The following MAP2K4 variants were observed in gnomAD, a reference collection of about 807,000 sequenced individuals.
MAP2K4 encodes the protein dual specificity mitogen-activated protein kinase kinase 4.
Under a neutral mutation model 48.5 loss-of-function variants are expected in MAP2K4, and 4 were observed. That is an observed-to-expected ratio of 0.08 (90% CI 0.04 to 0.19). The LOEUF (loss-of-function observed/expected upper bound fraction) is 0.19, where lower values mean the gene tolerates loss of function less well. Ranked by LOEUF, MAP2K4 falls within the 10% of genes least tolerant of loss-of-function variation. The probability of loss-of-function intolerance (pLI) is 1.00; values close to 1 mark genes in which losing one functional copy is unlikely to be tolerated. For synonymous variants in MAP2K4, 166 were observed against 173.1 expected (o/e 0.96, Z 0.32); for missense variants, 258 against 493.3 (o/e 0.52, Z 4.52).
At position 12,127,570 on chromosome 17, in the gene MAP2K4, T is replaced by C. The variant is rs534367623; in HGVS notation, c.892-1569T>C. ...GTATTCTGTACTTACAGTTGGTTCA[T>C]AATTTATTTTTCATAGGGACAGTCT... On this transcript the variant is annotated intron_variant, in intron 8 of 10. Transcript: ENST00000353533. Among the ~76,000 whole-genome samples, 5 of 152,348 alleles carry C rather than the reference T, an allele frequency of 3.3e-5. No homozygotes were observed. In the South Asian group the frequency reaches 1.0e-3, roughly 32 times the overall value.
rs28921111 is a variant in MAP2K4 at position 12,140,892 on chromosome 17, G to A, written c.1087-255G>A. On this transcript the variant is annotated intron_variant, in intron 10 of 10. Coordinates refer to ENST00000353533, the MANE Select transcript of MAP2K4 (RefSeq NM_003010.4). ...AACAAACACTCCCTGGTATACAGAT[G>A]AGTTTCCAGACCTCACTGCCAAGGT... Among the ~76,000 whole-genome samples the A allele has an allele frequency of 6.2e-3, 949 of 152,266 alleles. 2 individuals carry two copies. Among genetic ancestry groups the A allele is most frequent in the East Asian group, 0.036 (186 of 5,164 alleles).
intron 9 of MAP2K4, among the ~76,000 whole-genome samples, chr17:12,139,382 G>A (rs1314665616): frequency 6.6e-6 from 1 of 152,036 alleles, no homozygotes. Flanking sequence ...TAAAACTTAA[G>A]GATAAATTGA....
intron 9 of MAP2K4, among the ~76,000 whole-genome samples, chr17:12,135,987 A>G (rs1323360184): frequency 2.6e-5 from 4 of 152,218 alleles, no homozygotes; most frequent in Non-Finnish European, 4.4e-5. Context: ...ACCCAAGCAA[A>G]TGTAGATTTG....
At chr17:12,093,943 A>C (rs1248485522) in intron 3 of MAP2K4, among the ~76,000 whole-genome samples, 1 of 152,234 alleles carries the variant, frequency 6.6e-6, no homozygotes, top group African/African-American at 2.4e-5. Context: ...TTGAACAAAT[A>C]CAGATCACAT....
Position 12,113,222 on chromosome 17 carries a change from A to G in MAP2K4, c.686-11A>G, listed in dbSNP as rs28923223. 1.3e-3 allele frequency: 2,097 copies of G among 1,611,678 alleles called. 26 individuals carry two copies. The African/African-American group carries it at 0.025, about 19-fold the overall frequency. ...GCTAATTGTATACTGAATGATATCTATGTCTTGCAGATATCAAACCTTCCA... is the reference window on the plus strand; with the variant it reads ...GCTAATTGTATACTGAATGATATCTGTGTCTTGCAGATATCAAACCTTCCA... On this transcript the variant is annotated splice_polypyrimidine_tract_variant and intron_variant, in intron 6 of 10. Coordinates refer to ENST00000353533, the MANE Select transcript of MAP2K4 (RefSeq NM_003010.4).
chr17:12,129,065 T>C, intron 8 of MAP2K4, 74 bp from the exon 9 acceptor site: 3 of 1,478,068 alleles, frequency 2.0e-6, no homozygotes, highest in Non-Finnish European at 2.8e-6. Context: ...GTTTAGATTT[T>C]TTTGTGGCCC....
intron 1 of MAP2K4, among the ~76,000 whole-genome samples, chr17:12,042,840 G>T (rs1969834369): frequency 6.6e-6 from 1 of 152,096 alleles, no homozygotes; most frequent in Non-Finnish European, 1.5e-5. Context: ...GAGGTCAGGA[G>T]ATCGAGACCA....
chr17:12,086,249 A>T (rs1198690171), intron 3 of MAP2K4, among the ~76,000 whole-genome samples: 1 of 152,156 alleles, frequency 6.6e-6, no homozygotes, highest in Non-Finnish European at 1.5e-5. Flanking sequence ...CATGTGACTT[A>T]CTTAAGGCAT....
intron 7 of MAP2K4, chr17:12,115,806 G>C: frequency 1.4e-6 from 1 of 729,792 alleles, no homozygotes; most frequent in South Asian, 1.3e-5. Context: ...TTCTGGGACA[G>C]CTCTGCTGAC....
At chr17:12,073,974 A>C (rs1338704542) in intron 2 of MAP2K4, among the ~76,000 whole-genome samples, 1 of 152,014 alleles carries the variant, frequency 6.6e-6, no homozygotes, top group Admixed American at 6.6e-5. Flanking sequence ...GGGGTTCACC[A>C]TGTTGGCCAA....
At chr17:12,134,983 A>T (rs949328376) in intron 9 of MAP2K4, among the ~76,000 whole-genome samples, 4 of 151,964 alleles carry the variant, frequency 2.6e-5, no homozygotes, top group African/African-American at 9.7e-5. Flanking sequence ...GCTTACTGCA[A>T]CCTCAACTTC....
intron 1 of MAP2K4, among the ~76,000 whole-genome samples, chr17:12,034,574 C>T (rs931032466): frequency 1.3e-5 from 2 of 152,162 alleles, no homozygotes; most frequent in African/African-American, 4.8e-5. Context: ...TATTGGACAC[C>T]TAGAAACCAT....
At chr17:12,023,937 C>A (rs1399724032) in intron 1 of MAP2K4, among the ~76,000 whole-genome samples, 1 of 152,216 alleles carries the variant, frequency 6.6e-6, no homozygotes, top group Non-Finnish European at 1.5e-5. Context: ...CATTAGCCAT[C>A]ATTGTTAGTA....
chr17:12,118,561 T>C (rs1597486149), intron 7 of MAP2K4, among the ~76,000 whole-genome samples: 1 of 152,354 alleles, frequency 6.6e-6, no homozygotes, highest in African/African-American at 2.4e-5. Flanking sequence ...TATCCATTGA[T>C]AACTGTTCTG....
chr17:12,119,617 C>T (rs1429554212), intron 7 of MAP2K4, among the ~76,000 whole-genome samples: 1 of 152,180 alleles, frequency 6.6e-6, no homozygotes, highest in African/African-American at 2.4e-5. Flanking sequence ...GTCATTCAAC[C>T]CAGCAGTTCC....
Position 12,131,358 on chromosome 17 carries a change from G to T in MAP2K4, c.1040+2071G>T, listed in dbSNP as rs1973017762. On this transcript the variant is annotated intron_variant, in intron 9 of 10. Transcript: ENST00000353533. The stretch of plus-strand genomic sequence containing the variant: ...CCTCCCGGGTTCAAACGATTCTTCT[G>T]CCTCAGCCTCCTGAGTACTGCTGGG... 2.7e-5 allele frequency among the ~76,000 whole-genome samples: 4 copies of T among 150,888 alleles called. No individual in the cohort carries two copies. The South Asian group carries it at 8.3e-4, about 31-fold the overall frequency.
At chr17:12,105,942 C>A (rs1972095980) in intron 4 of MAP2K4, among the ~76,000 whole-genome samples, 1 of 152,038 alleles carries the variant, frequency 6.6e-6, no homozygotes, top group Non-Finnish European at 1.5e-5. Context: ...TAGCACCTGC[C>A]AGGCACTTTA....
intron 2 of MAP2K4, among the ~76,000 whole-genome samples, chr17:12,064,610 A>G (rs1970555569): frequency 6.6e-6 from 1 of 152,200 alleles, no homozygotes; most frequent in Admixed American, 6.5e-5. Context: ...ATTCTCCTAT[A>G]TTGTTGAGGA....
At chr17:12,090,832 C>A (rs978792289) in intron 3 of MAP2K4, among the ~76,000 whole-genome samples, 3 of 152,164 alleles carry the variant, frequency 2.0e-5, no homozygotes, top group African/African-American at 7.2e-5. Context: ...GCTTCTTTTT[C>A]TTTGCTCTTC....
Sources: gnomAD v4.1 joint callset for allele counts (sites outside exome capture counted in the v4.1 genomes callset) on GRCh38, gnomAD v4.1.1 for gene constraint, MANE v1.5 for transcripts, NCBI Gene and HGNC (gene_info 2026-07-23, HGNC 2026-07-21) for gene names.